TSHZ2: variants seen among roughly 807,000 people sequenced by gnomAD.
The protein encoded by TSHZ2 is teashirt zinc finger homeobox 2, also known as teashirt homolog 2.
TSHZ2 carries 21 observed loss-of-function variants against 74.4 expected under a neutral mutation model. The ratio of observed to expected loss-of-function variants is 0.28; its 90% confidence interval spans 0.20 to 0.41. TSHZ2 has a LOEUF of 0.41. Ranked by LOEUF, TSHZ2 falls within the 10% of genes least tolerant of loss-of-function variation. TSHZ2 has a pLI of 1.00. For synonymous variants in TSHZ2, 540 were observed against 515.3 expected, an observed-to-expected ratio of 1.05 and a Z score of -0.65; for missense variants, 1,244 against 1,293.5, an observed-to-expected ratio of 0.96 and a Z score of 0.59.
In TSHZ2 at chr20:53,298,286, C is replaced by A. The variant is rs1433625581; in HGVS notation, c.*8+41715C>A. Among the ~76,000 whole-genome samples, 5 of 152,302 alleles carry A rather than the reference C, an allele frequency of 3.3e-5. No homozygotes were observed. In the East Asian group the frequency reaches 7.7e-4, roughly 23 times the overall value. On this transcript the variant is annotated intron_variant, in intron 2 of 2. Transcript: ENST00000371497. Reference sequence around the variant, plus strand: ...AGAGGAGAGGGGCAGAGAACAAACACGTAAACAAAAATAAACACAAAATAA... The same window carrying A: ...AGAGGAGAGGGGCAGAGAACAAACAAGTAAACAAAAATAAACACAAAATAA...
chr20:53,217,042 G>T (rs1048974739), intron 1 of TSHZ2, among the ~76,000 whole-genome samples: 1 of 152,194 alleles, frequency 6.6e-6, no homozygotes, highest in Non-Finnish European at 1.5e-5. Context: ...TGATTGTCAG[G>T]CTGCGGCATT....
At chr20:52,996,312 TTTA>T (rs1568710819) in intron 1 of TSHZ2, among the ~76,000 whole-genome samples, 3 of 58,830 alleles carry the variant, frequency 5.1e-5, no homozygotes, top group Non-Finnish European at 7.9e-5. Flanking sequence ...CAGGTTTTTA[TTTA>T]TTTATTTATT....
At chr20:53,085,384 G>A (rs1453440107) in intron 1 of TSHZ2, among the ~76,000 whole-genome samples, 1 of 152,080 alleles carries the variant, frequency 6.6e-6, no homozygotes, top group Non-Finnish European at 1.5e-5. Flanking sequence ...GAGAGAGAGA[G>A]AGAGAGAAAG....
intron 1 of TSHZ2, among the ~76,000 whole-genome samples, chr20:53,096,275 G>C (rs1986043172): frequency 6.6e-6 from 1 of 152,140 alleles, no homozygotes; most frequent in Admixed American, 6.5e-5. Context: ...CCAAATAGCT[G>C]AGACTACAGG....
chr20:53,163,671 C>A (rs1444618968), intron 1 of TSHZ2, among the ~76,000 whole-genome samples: 1 of 151,906 alleles, frequency 6.6e-6, no homozygotes, highest in South Asian at 2.1e-4. Context: ...ATACTGAAGG[C>A]GTCACTAGGC....
Position 52,973,082 on chromosome 20 carries a change from C to A in TSHZ2, c.-212C>A. ...AACCTCTACTTCAAAGCAGCCGGCA[C>A]AAGCCACCCGTGTCTGCCACCCAGA... On this transcript the variant is annotated 5_prime_UTR_variant, in exon 1 of 3. Transcript: ENST00000371497. The A allele has an allele frequency of 1.9e-6, 1 of 535,078 alleles. No homozygotes were observed. Among genetic ancestry groups the A allele is most frequent in the African/African-American group, 2.0e-5 (1 of 51,092 alleles). 33.1% of individuals were successfully genotyped at this position (535,078 alleles called of 1,614,324 possible).
At chr20:53,094,421 G>A (rs928787301) in intron 1 of TSHZ2, among the ~76,000 whole-genome samples, 2 of 152,172 alleles carry the variant, frequency 1.3e-5, no homozygotes, top group African/African-American at 4.8e-5. Context: ...CAGAGCCACA[G>A]TAGTCTTTAA....
intron 1 of TSHZ2, among the ~76,000 whole-genome samples, chr20:53,066,517 CTTTG>C (rs557061934): frequency 2.5e-3 from 385 of 152,088 alleles, no homozygotes; most frequent in East Asian, 4.5e-3. Flanking sequence ...TTGTTTGTTG[CTTTG>C]TTTGTTTGTT....
intron 1 of TSHZ2, chr20:53,168,906 A>G (rs1265862078): frequency 1.3e-5 from 2 of 152,200 alleles, no homozygotes; most frequent in Admixed American, 1.3e-4. Flanking sequence ...CACTTCTGCT[A>G]TCATCCTAGA....
intron 1 of TSHZ2, among the ~76,000 whole-genome samples, chr20:53,231,639 CGTGCCTGGAA>C (rs1989826315): frequency 1.3e-5 from 2 of 152,250 alleles, no homozygotes; most frequent in Middle Eastern, 3.4e-3. Flanking sequence ...GCATTTACTA[CGTGCCTGGAA>C]GTGCCTGGAA....
chr20:53,443,792 T>C (rs1984434827), intron 2 of TSHZ2, among the ~76,000 whole-genome samples: 7 of 152,154 alleles, frequency 4.6e-5, no homozygotes, highest in Admixed American at 4.6e-4. Flanking sequence ...ATACACACTT[T>C]GTAGGGTAGG....
intron 2 of TSHZ2, among the ~76,000 whole-genome samples, chr20:53,457,910 C>A (rs1471104762): frequency 6.7e-6 from 1 of 149,034 alleles, no homozygotes. Flanking sequence ...GGATGAAGCC[C>A]ACTTGATCAT....
At chr20:53,171,964 A>C (rs1174726235) in intron 1 of TSHZ2, among the ~76,000 whole-genome samples, 1 of 152,216 alleles carries the variant, frequency 6.6e-6, no homozygotes, top group African/African-American at 2.4e-5. Context: ...TCATATGAAT[A>C]AAGGGGAACA....
At chr20:53,126,111 A>G (rs905268309) in intron 1 of TSHZ2, among the ~76,000 whole-genome samples, 1 of 152,254 alleles carries the variant, frequency 6.6e-6, no homozygotes, top group African/African-American at 2.4e-5. Context: ...CTCTGTGCCT[A>G]CTACCCTGAA....
chr20:53,440,529 C>T (rs1236085301), intron 2 of TSHZ2, among the ~76,000 whole-genome samples: 4 of 152,162 alleles, frequency 2.6e-5, no homozygotes, highest in Non-Finnish European at 5.9e-5. Flanking sequence ...CAGAGCACCT[C>T]CTCAGGCTCA....
chr20:53,229,455 T>G (rs1163338730), intron 1 of TSHZ2, among the ~76,000 whole-genome samples: 4 of 152,208 alleles, frequency 2.6e-5, no homozygotes, highest in African/African-American at 7.2e-5. Context: ...GGTGATTTAC[T>G]GTATGCCTAT....
chr20:53,073,751 G>A (rs576726137), intron 1 of TSHZ2, among the ~76,000 whole-genome samples: 12 of 151,572 alleles, frequency 7.9e-5, no homozygotes, highest in East Asian at 7.7e-4. Flanking sequence ...ACTCCATTCC[G>A]TCAAGTTAAA....
At chr20:53,462,409 T>A (rs1985407134) in intron 2 of TSHZ2, among the ~76,000 whole-genome samples, 1 of 152,238 alleles carries the variant, frequency 6.6e-6, no homozygotes, top group Middle Eastern at 3.2e-3. Flanking sequence ...AGGGCTTCAA[T>A]GTAAGAATTC....
At chr20:53,460,710 G>A (rs1213479032) in intron 2 of TSHZ2, among the ~76,000 whole-genome samples, 1 of 152,208 alleles carries the variant, frequency 6.6e-6, no homozygotes, top group African/African-American at 2.4e-5. Context: ...TGATGGTGAT[G>A]TACAGATGGG....
Sources: allele counts gnomAD v4.1 joint callset (sites outside exome capture counted in the v4.1 genomes callset), GRCh38; gene constraint gnomAD v4.1.1; transcripts MANE v1.5; gene names NCBI Gene and HGNC (gene_info 2026-07-23, HGNC 2026-07-21).